Variants in FGF12 observed in about 807,000 individuals in gnomAD.
FGF12 encodes the protein fibroblast growth factor 12.
FGF12 carries 14 observed loss-of-function variants against 23.6 expected under a neutral mutation model. The observed-to-expected ratio is 0.59, with a 90% CI of 0.39 to 0.93. The LOEUF is 0.93. Ranked by LOEUF, FGF12 falls within the 40% of genes least tolerant of loss-of-function variation. The pLI is 0.00. For missense variants in FGF12, 175 were observed against 217.8 expected (o/e 0.80, Z 1.24); for synonymous variants, 62 against 77.3 (o/e 0.80, Z 1.04).
At chr3:192,638,830 C>T (rs1488833489) in intron 2 of FGF12, among the ~76,000 whole-genome samples, 1 of 152,108 alleles carries the variant, frequency 6.6e-6, no homozygotes, top group Non-Finnish European at 1.5e-5. Flanking sequence ...AATAACATGG[C>T]AGTGTCCCAA....
chr3:192,256,390 C>T (rs756162098), intron 4 of FGF12, among the ~76,000 whole-genome samples: 15 of 147,336 alleles, frequency 1.0e-4, no homozygotes, highest in Admixed American at 2.7e-4. Context: ...CACACACACA[C>T]GTAAACCTAT....
At chr3:192,280,223 A>C (rs1714063581) in intron 4 of FGF12, among the ~76,000 whole-genome samples, 1 of 152,124 alleles carries the variant, frequency 6.6e-6, no homozygotes, top group South Asian at 2.1e-4. Flanking sequence ...AAATGTAATG[A>C]GGTTTTTTTC....
intron 2 of FGF12, among the ~76,000 whole-genome samples, chr3:192,614,531 T>C (rs1333078313): frequency 6.6e-6 from 1 of 152,022 alleles, no homozygotes. Flanking sequence ...TTCTGTATTA[T>C]TCTTTAAATT....
In FGF12 at chr3:192,170,552, C is replaced by G; in HGVS notation, c.333G>C (p.Trp111Cys). Residue 111 changes from tryptophan (W) to cysteine (C), a missense_variant, in exon 5 of 6, where the codon TGG becomes TGC. Trp to Cys is a radical substitution (Grantham distance 215). Transcript: ENST00000445105. ...GACCTTCTTTATTGAGTCCCAGAAA[C>G]CAAGCTCGGCCTGATTCTTGCTGGC... The part of the protein sequence containing the change: ...LYRQQESGRA[W>C]FLGLNKEGQI... 6.2e-7 allele frequency: 1 copy of G among 1,613,880 alleles called. No homozygotes were observed. The highest frequency in any genetic ancestry group is 8.5e-7 in the Non-Finnish European group (1 of 1,179,984).
Position 192,142,555 on chromosome 3 carries a change from A to T in FGF12, c.*1454T>A, listed in dbSNP as rs960228947. The T allele has an allele frequency of 6.6e-6, 1 of 152,360 alleles. No individual in the cohort carries two copies. The highest frequency in any genetic ancestry group is 6.6e-5 in the Admixed American group (1 of 15,248). 9.4% of individuals were successfully genotyped at this position (152,360 alleles called of 1,614,324 possible). A position where few individuals can be genotyped will look rare whatever the true frequency, so the allele number is the denominator to read the frequency against. ...ACTCCTGATTTGTAGGACTAAATAG[A>T]TCTATTTATTCCAATGCAAATTGTG... On this transcript the variant is annotated 3_prime_UTR_variant, in exon 6 of 6. Coordinates refer to ENST00000445105, the MANE Select transcript of FGF12 (RefSeq NM_004113.6).
At chr3:192,419,156 T>C (rs763905814) in intron 2 of FGF12, among the ~76,000 whole-genome samples, 6 of 152,160 alleles carry the variant, frequency 3.9e-5, no homozygotes, top group Non-Finnish European at 8.8e-5. Context: ...TCTTCATGAC[T>C]TTTTTTAGGA....
At chr3:192,621,082 C>T (rs547157807) in intron 2 of FGF12, among the ~76,000 whole-genome samples, 5 of 152,264 alleles carry the variant, frequency 3.3e-5, no homozygotes, top group African/African-American at 1.2e-4. Flanking sequence ...ACATTCTCTT[C>T]AAGCAATCCA....
intron 4 of FGF12, among the ~76,000 whole-genome samples, chr3:192,290,854 A>G (rs767249731): frequency 1.3e-5 from 2 of 152,206 alleles, no homozygotes; most frequent in Non-Finnish European, 2.9e-5. Context: ...CTTAGAATCA[A>G]TTCTGGTCTG....
intron 4 of FGF12, among the ~76,000 whole-genome samples, chr3:192,196,001 T>C (rs75159141): frequency 0.015 from 2,260 of 152,266 alleles, 43 homozygotes; most frequent in African/African-American, 0.04. Context: ...TGAGGAACAT[T>C]TCTCCATTCC....
chr3:192,234,354 T>G (rs753159021), intron 4 of FGF12, among the ~76,000 whole-genome samples: 1 of 152,006 alleles, frequency 6.6e-6, no homozygotes, highest in Non-Finnish European at 1.5e-5. Context: ...CTGCCAGCTA[T>G]TGTTGAGCTA....
intron 2 of FGF12, among the ~76,000 whole-genome samples, chr3:192,608,321 A>G (rs1194464495): frequency 6.6e-6 from 1 of 152,194 alleles, no homozygotes; most frequent in African/African-American, 2.4e-5. Context: ...TTGTGACACA[A>G]AGAAGTGATA....
chr3:192,283,636 A>G (rs919131510), intron 4 of FGF12, among the ~76,000 whole-genome samples: 2 of 152,070 alleles, frequency 1.3e-5, no homozygotes, highest in Non-Finnish European at 2.9e-5. Flanking sequence ...TTTATTTGCC[A>G]CAACAGAGAA....
intron 2 of FGF12, among the ~76,000 whole-genome samples, chr3:192,548,307 T>A (rs1011654182): frequency 6.6e-6 from 1 of 152,094 alleles, no homozygotes; most frequent in African/African-American, 2.4e-5. Context: ...TTTAAAAATA[T>A]AAAACACGAA....
At chr3:192,201,353 G>C (rs1717356722) in intron 4 of FGF12, among the ~76,000 whole-genome samples, 1 of 152,166 alleles carries the variant, frequency 6.6e-6, no homozygotes, top group African/African-American at 2.4e-5. Flanking sequence ...ATTCAGAAAG[G>C]GGCAGGCAAG....
chr3:192,576,170 C>A (rs781416), intron 2 of FGF12, among the ~76,000 whole-genome samples: 93,798 of 151,976 alleles, frequency 0.62, 29,096 homozygotes, highest in East Asian at 0.79. Flanking sequence ...TGCTTACAAA[C>A]GAAGAAAAAT....
At chr3:192,243,377 G>A (rs1411618859) in intron 4 of FGF12, among the ~76,000 whole-genome samples, 1 of 151,826 alleles carries the variant, frequency 6.6e-6, no homozygotes, top group Non-Finnish European at 1.5e-5. Flanking sequence ...GTGTGTTATT[G>A]GCACATGAAT....
chr3:192,403,535 A>AG (rs1232582650), intron 2 of FGF12, among the ~76,000 whole-genome samples: 1 of 138,000 alleles, frequency 7.2e-6, no homozygotes, highest in Non-Finnish European at 1.6e-5. Context: ...CTGAAAAGTT[A>AG]GGGGTCTTAC....
At chr3:192,235,099 T>C (rs1163060261) in intron 4 of FGF12, among the ~76,000 whole-genome samples, 1 of 152,192 alleles carries the variant, frequency 6.6e-6, no homozygotes, top group Admixed American at 6.5e-5. Flanking sequence ...TTTTATGGTA[T>C]AATGTCAGTA....
intron 4 of FGF12, among the ~76,000 whole-genome samples, chr3:192,228,157 C>CA (rs1437466015): frequency 2.1e-4 from 29 of 141,008 alleles, no homozygotes; most frequent in East Asian, 1.6e-3. Flanking sequence ...ATGTTCTCGC[C>CA]AAAAAAAAAA....
Sources: allele counts gnomAD v4.1 joint callset (sites outside exome capture counted in the v4.1 genomes callset), GRCh38; gene constraint gnomAD v4.1.1; transcripts MANE v1.5; gene names NCBI Gene and HGNC (gene_info 2026-07-23, HGNC 2026-07-21).